The following RANBP2 variants were observed in gnomAD, a reference collection of about 807,000 sequenced individuals.
The protein encoded by RANBP2 is RAN binding protein 2, also known as E3 SUMO-protein ligase RanBP2.
A neutral mutation model predicts 303.6 loss-of-function variants in RANBP2; 57 were observed. That is an observed-to-expected ratio of 0.19 (90% CI 0.15 to 0.23). The LOEUF is 0.23. Ranked by LOEUF, RANBP2 falls within the 10% of genes least tolerant of loss-of-function variation. The pLI, the probability that RANBP2 is intolerant of heterozygous loss-of-function variation, is 1.00. For synonymous variants in RANBP2, 1,167 were observed against 1,301.5 expected (o/e 0.90, Z 2.23); for missense variants, 3,138 against 3,780.8 (o/e 0.83, Z 4.46).
the RANBP2 span, among the ~76,000 whole-genome samples, chr2:109,012,794 A>G: frequency 9.8e-3 from 1,490 of 152,230 alleles, 14 homozygotes; most frequent in African/African-American, 0.031. Flanking sequence ...GGAGCCTGTA[A>G]TCCCAGCTAC....
chr2:108,809,368 T>C, the RANBP2 span, among the ~76,000 whole-genome samples: 1 of 152,154 alleles, frequency 6.6e-6, no homozygotes, highest in Admixed American at 6.6e-5. Context: ...GTTGGTATTT[T>C]AATAAACATT....
chr2:109,251,517 G>T, the RANBP2 span: 1 of 744,566 alleles, frequency 1.3e-6, no homozygotes, highest in South Asian at 1.3e-5. Context: ...GAATATTGTG[G>T]TCATTTGGTC....
chr2:109,444,758 C>T, the RANBP2 span, among the ~76,000 whole-genome samples: 42 of 152,202 alleles, frequency 2.8e-4, no homozygotes, highest in East Asian at 5.0e-3. Flanking sequence ...GACAAAGAGC[C>T]GCAAGCTCAG....
the RANBP2 span, chr2:109,617,205 C>G: frequency 6.0e-6 from 1 of 166,638 alleles, no homozygotes; most frequent in Non-Finnish European, 1.5e-5. Context: ...ATTTTCCAAG[C>G]TTTTCTTGAC....
chr2:109,054,793 C>A, the RANBP2 span, among the ~76,000 whole-genome samples: 1 of 152,072 alleles, frequency 6.6e-6, no homozygotes, highest in African/African-American at 2.4e-5. Context: ...GCGTTCCCAT[C>A]ACCAGTATGT....
chr2:109,416,971 A>G, the RANBP2 span, among the ~76,000 whole-genome samples: 2 of 151,802 alleles, frequency 1.3e-5, no homozygotes, highest in African/African-American at 4.8e-5. Context: ...AGCCCCACAC[A>G]GTCACAGGCC....
At chr2:108,920,232 A>T in the RANBP2 span, among the ~76,000 whole-genome samples, 1 of 152,216 alleles carries the variant, frequency 6.6e-6, no homozygotes, top group East Asian at 1.9e-4. Flanking sequence ...AGCACTCCAC[A>T]TGCATCGCCC....
the RANBP2 span, among the ~76,000 whole-genome samples, chr2:109,727,297 C>A: frequency 6.6e-6 from 1 of 152,146 alleles, no homozygotes; most frequent in East Asian, 1.9e-4. Context: ...ATACAAATAA[C>A]CTGTGGGAAA....
At chr2:108,842,834 A>G in the RANBP2 span, among the ~76,000 whole-genome samples, 2 of 152,354 alleles carry the variant, frequency 1.3e-5, no homozygotes, top group East Asian at 3.9e-4. Context: ...AATTATAAGC[A>G]TTCACTACAA....
chr2:108,810,401 G>C, the RANBP2 span, among the ~76,000 whole-genome samples: 30 of 152,292 alleles, frequency 2.0e-4, no homozygotes, highest in African/African-American at 6.7e-4. Context: ...CTATTGAAAT[G>C]ATCGTAAGGT....
the RANBP2 span, among the ~76,000 whole-genome samples, chr2:108,847,603 A>G: frequency 1.3e-5 from 2 of 152,248 alleles, no homozygotes; most frequent in South Asian, 4.1e-4. Context: ...TTTAATATTT[A>G]GCTATAACAG....
the RANBP2 span, among the ~76,000 whole-genome samples, chr2:109,461,856 G>A: frequency 3.6e-4 from 55 of 152,248 alleles, 1 homozygote; most frequent in African/African-American, 1.2e-3. Context: ...CAATTTTGGG[G>A]GTCACTTAAT....
chr2:109,657,196 C>G, the RANBP2 span, among the ~76,000 whole-genome samples: 1 of 152,088 alleles, frequency 6.6e-6, no homozygotes, highest in African/African-American at 2.4e-5. Flanking sequence ...ACATGCCAGA[C>G]ACACTTTGGG....
the RANBP2 span, among the ~76,000 whole-genome samples, chr2:108,889,098 G>A: frequency 1.3e-5 from 2 of 151,496 alleles, no homozygotes; most frequent in African/African-American, 4.9e-5. Flanking sequence ...CCATGTTTTT[G>A]TATAGTTTCC....
At chr2:109,551,852 G>T in the RANBP2 span, among the ~76,000 whole-genome samples, 3 of 152,298 alleles carry the variant, frequency 2.0e-5, no homozygotes, top group Admixed American at 6.5e-5. Context: ...CTAAATTGCT[G>T]CTTCAGAACT....
the RANBP2 span, chr2:109,613,957 C>T: frequency 9.8e-7 from 1 of 1,019,796 alleles, no homozygotes; most frequent in Non-Finnish European, 1.2e-6. Flanking sequence ...GCCTCCGCGA[C>T]GGGGAAGGGA....
chr2:109,447,147 T>TAAAAAAAAAAA, the RANBP2 span, among the ~76,000 whole-genome samples: 33 of 82,056 alleles, frequency 4.0e-4, no homozygotes, highest in East Asian at 6.3e-4. Context: ...CCTGAATATT[T>TAAAAAAAAAAA]AAAAAAAAAA....
At chr2:109,274,156 GAT>G in the RANBP2 span, among the ~76,000 whole-genome samples, 2 of 152,170 alleles carry the variant, frequency 1.3e-5, no homozygotes, top group Non-Finnish European at 2.9e-5. Flanking sequence ...AATCTTCTAG[GAT>G]CTGGATTTCT....
At chr2:109,537,805 T>C in the RANBP2 span, among the ~76,000 whole-genome samples, 1 of 152,068 alleles carries the variant, frequency 6.6e-6, no homozygotes, top group East Asian at 1.9e-4. Flanking sequence ...ACTTAGCCAG[T>C]TAGGTGTGGA....
Sources: gnomAD v4.1 joint callset for allele counts (sites outside exome capture counted in the v4.1 genomes callset) on GRCh38, gnomAD v4.1.1 for gene constraint, MANE v1.5 for transcripts, NCBI Gene and HGNC (gene_info 2026-07-23, HGNC 2026-07-21) for gene names.